GLRA1: variants seen among roughly 807,000 people sequenced by gnomAD.
GLRA1 encodes glycine receptor subunit alpha-1.
In GLRA1, 37 loss-of-function variants were observed where a neutral mutation model predicts 48.3. That is an observed-to-expected ratio of 0.77 (90% CI 0.59 to 1.01). The LOEUF (loss-of-function observed/expected upper bound fraction) is 1.01. Ranked by LOEUF, GLRA1 falls within the 50% of genes least tolerant of loss-of-function variation. GLRA1 has a pLI of 0.00. For synonymous variants in GLRA1, 196 were observed against 210.7 expected (o/e 0.93, Z 0.60); for missense variants, 427 against 571.0 (o/e 0.75, Z 2.57).
At chr5:151,921,071 G>T (rs772097851) in intron 1 of GLRA1, among the ~76,000 whole-genome samples, 1 of 152,164 alleles carries the variant, frequency 6.6e-6, no homozygotes. Context: ...GGCATATTCA[G>T]TACAAAATCC....
intron 3 of GLRA1, among the ~76,000 whole-genome samples, chr5:151,861,963 A>G (rs556875947): frequency 3.7e-4 from 57 of 152,330 alleles, no homozygotes; most frequent in Admixed American, 9.1e-4. Flanking sequence ...AGAAGAGCCC[A>G]CATTGCCAAG....
At position 151,822,813 on chromosome 5, in the gene GLRA1, TCTC is replaced by T. The variant is rs767780037; in HGVS notation, c.1207_1209del (p.Glu403del). 319 of 1,613,986 alleles carry T rather than the reference TCTC, an allele frequency of 2.0e-4. No homozygotes were observed. The highest frequency in any genetic ancestry group is 2.5e-4 in the African/African-American group (19 of 74,904). On this transcript the variant is annotated inframe_deletion, in exon 9 of 9. Coordinates refer to ENST00000274576, the MANE Select transcript of GLRA1 (RefSeq NM_000171.4). ...GCCCTCTGGATGAAGAGTTTTCGCA[TCTC>T]CTCTGGGGACTTAGATGGTGCAGGA...
At chr5:151,859,386 C>T (rs1317356046) in intron 4 of GLRA1, among the ~76,000 whole-genome samples, 1 of 152,208 alleles carries the variant, frequency 6.6e-6, no homozygotes, top group Non-Finnish European at 1.5e-5. Flanking sequence ...TGACCGTGAG[C>T]AACACCATCC....
At chr5:151,922,551 T>C (rs933956218) in intron 1 of GLRA1, among the ~76,000 whole-genome samples, 2 of 152,386 alleles carry the variant, frequency 1.3e-5, no homozygotes, top group Middle Eastern at 6.8e-3. Context: ...CAGTTATAAC[T>C]CTTCTTTCCT....
rs144830340 is a variant in GLRA1 at position 151,904,129 on chromosome 5, T to C, written c.57-11691A>G. ...CTTAACGAGATGGAAGGAAGAGTGATGGATGATGAAGAAACAACAAGGCTC... is the reference window on the plus strand; with the variant it reads ...CTTAACGAGATGGAAGGAAGAGTGACGGATGATGAAGAAACAACAAGGCTC... On this transcript the variant is annotated intron_variant, in intron 1 of 8. Transcript: ENST00000274576. 1.3e-4 allele frequency among the ~76,000 whole-genome samples: 20 copies of C among 152,340 alleles called. No individual in the cohort carries two copies. The East Asian group carries it at 3.9e-3, about 29-fold the overall frequency.
At chr5:151,837,626 C>A (rs997667030) in intron 7 of GLRA1, among the ~76,000 whole-genome samples, 8 of 152,210 alleles carry the variant, frequency 5.3e-5, no homozygotes, top group African/African-American at 1.9e-4. Flanking sequence ...GAATACTATG[C>A]AGCCATAAAA....
rs79312940 is a variant in GLRA1 at position 151,918,264 on chromosome 5, A to G, written c.56+6230T>C. Among the ~76,000 whole-genome samples, 288 of 152,202 alleles carry G rather than the reference A, an allele frequency of 1.9e-3. 2 individuals are homozygous for G. In the East Asian group the frequency reaches 0.021, roughly 11 times the overall value. ...CTGAATGAATTTGCTGGCTGGCTGT[A>G]TAGTGTTTTCATTTTGTGTGTTAGG... is the stretch of plus-strand genomic sequence containing the variant. On this transcript the variant is annotated intron_variant, in intron 1 of 8. Coordinates refer to ENST00000274576, the MANE Select transcript of GLRA1 (RefSeq NM_000171.4).
At chr5:151,880,695 A>G (rs1337256875) in intron 3 of GLRA1, among the ~76,000 whole-genome samples, 3 of 152,266 alleles carry the variant, frequency 2.0e-5, no homozygotes, top group Non-Finnish European at 4.4e-5. Flanking sequence ...ACACATGTAT[A>G]GTCATACTCC....
intron 3 of GLRA1, among the ~76,000 whole-genome samples, chr5:151,871,218 T>A (rs774181357): frequency 6.7e-6 from 1 of 149,424 alleles, no homozygotes; most frequent in Non-Finnish European, 1.5e-5. Flanking sequence ...CATATCTAAT[T>A]GGATAACGCT....
At chr5:151,851,657 G>A (rs1343493388) in intron 6 of GLRA1, 53 bp from the exon 7 acceptor site, 5 of 1,237,414 alleles carry the variant, frequency 4.0e-6, no homozygotes, top group Non-Finnish European at 6.0e-6. Context: ...AGGACAAAAG[G>A]CTTTAGGATT....
At chr5:151,847,820 G>T (rs898527398) in intron 7 of GLRA1, among the ~76,000 whole-genome samples, 14 of 152,184 alleles carry the variant, frequency 9.2e-5, no homozygotes, top group African/African-American at 3.4e-4. Context: ...GTGACTGAAA[G>T]AAAAATAGTG....
At chr5:151,898,142 A>G (rs1754269470) in intron 1 of GLRA1, among the ~76,000 whole-genome samples, 1 of 151,946 alleles carries the variant, frequency 6.6e-6, no homozygotes. Context: ...CAGTTACACA[A>G]TGAAATTAAG....
chr5:151,905,042 T>C (rs1366236), intron 1 of GLRA1, among the ~76,000 whole-genome samples: 72,567 of 152,004 alleles, frequency 0.48, 17,690 homozygotes, highest in East Asian at 0.56. Flanking sequence ...AGGATTAAGA[T>C]GATCTGATGG....
At chr5:151,915,109 G>T (rs1248002783) in intron 1 of GLRA1, among the ~76,000 whole-genome samples, 1 of 152,172 alleles carries the variant, frequency 6.6e-6, no homozygotes, top group Non-Finnish European at 1.5e-5. Flanking sequence ...GTAAAATGGG[G>T]ATAGGATAGT....
In GLRA1 at chr5:151,849,491, C is replaced by T. The variant is rs572985489; in HGVS notation, c.912+1899G>A. ...TCCTTCCTTCCTTCCTTCCTTCCTTCCTTTCTTTTCTTTCTTTCTTTCTTT... is the reference window on the plus strand; with the variant it reads ...TCCTTCCTTCCTTCCTTCCTTCCTTTCTTTCTTTTCTTTCTTTCTTTCTTT... On this transcript the variant is annotated intron_variant, in intron 7 of 8. Transcript: ENST00000274576. 2.0e-3 allele frequency among the ~76,000 whole-genome samples: 162 copies of T among 79,586 alleles called. 13 individuals are homozygous for T. The highest frequency in any genetic ancestry group is 0.015 in the Middle Eastern group (2 of 134). The allele number at this position is 79,586 out of a possible 152,430, so 52.2% of individuals were successfully genotyped here.
chr5:151,835,001 CT>C (rs1763531364), intron 7 of GLRA1, among the ~76,000 whole-genome samples: 1 of 129,816 alleles, frequency 7.7e-6, no homozygotes, highest in Non-Finnish European at 1.5e-5. Flanking sequence ...GCACTCCAGC[CT>C]GGGCGACAGA....
At chr5:151,907,815 A>C (rs1754513888) in intron 1 of GLRA1, among the ~76,000 whole-genome samples, 1 of 152,218 alleles carries the variant, frequency 6.6e-6, no homozygotes, top group Non-Finnish European at 1.5e-5. Context: ...GAGATGGAGA[A>C]GATGACCTTG....
At chr5:151,850,042 A>C in intron 7 of GLRA1, 1 of 1,603,884 alleles carries the variant, frequency 6.2e-7, no homozygotes, top group South Asian at 1.1e-5. Flanking sequence ...GATAATGGAC[A>C]TGGTGAGCAA....
rs746133695 is a variant in GLRA1, at chr5:151,840,113, TG to T, written c.913-11047del. Among the ~76,000 whole-genome samples, 225 of 146,308 alleles carry T rather than the reference TG, an allele frequency of 1.5e-3. 2 individuals are homozygous for T. The East Asian group carries it at 0.016, about 10-fold the overall frequency. ...TAGAAAATACTGTTTTTTTTTTTTTTGATAGTGTCTTGCTTTGTCACCCAGG... is the reference window on the plus strand; with the variant it reads ...TAGAAAATACTGTTTTTTTTTTTTTTATAGTGTCTTGCTTTGTCACCCAGG... On this transcript the variant is annotated intron_variant, in intron 7 of 8. Coordinates refer to ENST00000274576, the MANE Select transcript of GLRA1 (RefSeq NM_000171.4).
Sources: allele counts gnomAD v4.1 joint callset (sites outside exome capture counted in the v4.1 genomes callset), GRCh38; gene constraint gnomAD v4.1.1; transcripts MANE v1.5; gene names NCBI Gene and HGNC (gene_info 2026-07-23, HGNC 2026-07-21).